Variants in TMEM117 observed in about 807,000 individuals in gnomAD.
TMEM117 encodes transmembrane protein 117.
A neutral mutation model predicts 52.4 loss-of-function variants in TMEM117; 27 were observed. That is an observed-to-expected ratio of 0.51 (90% CI 0.38 to 0.71). The LOEUF is 0.71. Ranked by LOEUF, TMEM117 falls within the 30% of genes least tolerant of loss-of-function variation. The probability of loss-of-function intolerance (pLI) is 0.00; values close to 1 mark genes in which losing one functional copy is unlikely to be tolerated. For synonymous variants in TMEM117, 215 were observed against 206.3 expected (o/e 1.04, Z -0.36); for missense variants, 556 against 630.5 (o/e 0.88, Z 1.26).
intron 6 of TMEM117, among the ~76,000 whole-genome samples, chr12:44,352,493 T>A (rs1032413784): frequency 3.9e-5 from 6 of 152,062 alleles, no homozygotes; most frequent in Non-Finnish European, 7.4e-5. Flanking sequence ...CCCCTTCCTG[T>A]GTCCATGTGT....
upstream of TMEM117, among the ~76,000 whole-genome samples, chr12:43,832,412 A>T (rs1224981860): frequency 6.6e-6 from 1 of 152,248 alleles, no homozygotes; most frequent in African/African-American, 2.4e-5. Context: ...AGACTGAAGA[A>T]TAGGAAGAAC....
intron 6 of TMEM117, among the ~76,000 whole-genome samples, chr12:44,352,474 T>C (rs1336773437): frequency 6.6e-6 from 1 of 151,676 alleles, no homozygotes; most frequent in Non-Finnish European, 1.5e-5. Context: ...GTCCCCGGAG[T>C]GTGATGTTCC....
chr12:44,353,906 A>G (rs1951604493), intron 6 of TMEM117, among the ~76,000 whole-genome samples: 1 of 152,064 alleles, frequency 6.6e-6, no homozygotes, highest in South Asian at 2.1e-4. Flanking sequence ...CATTTTCACG[A>G]TATTGATTCT....
chr12:44,327,183 AT>A (rs1454824496), intron 6 of TMEM117, among the ~76,000 whole-genome samples: 1 of 152,220 alleles, frequency 6.6e-6, no homozygotes, highest in African/African-American at 2.4e-5. Context: ...TGAAAATTCA[AT>A]AGGAAAGATT....
chr12:44,095,378 T>C (rs890905027), intron 3 of TMEM117, among the ~76,000 whole-genome samples: 2 of 152,100 alleles, frequency 1.3e-5, no homozygotes, highest in African/African-American at 4.8e-5. Flanking sequence ...ACGAGTAGGA[T>C]TGGGAAGCCA....
intron 3 of TMEM117, among the ~76,000 whole-genome samples, chr12:44,006,681 T>C (rs1171469986): frequency 6.6e-6 from 1 of 152,182 alleles, no homozygotes; most frequent in Non-Finnish European, 1.5e-5. Context: ...GCGGGGAAAC[T>C]TTGAATAACC....
At chr12:44,139,994 A>G (rs1948548590) in intron 3 of TMEM117, among the ~76,000 whole-genome samples, 1 of 152,166 alleles carries the variant, frequency 6.6e-6, no homozygotes, top group African/African-American at 2.4e-5. Context: ...ATTCTTCTTC[A>G]TATTTATCCA....
At chr12:44,130,324 A>G (rs907552691) in intron 3 of TMEM117, among the ~76,000 whole-genome samples, 29 of 152,306 alleles carry the variant, frequency 1.9e-4, no homozygotes, top group African/African-American at 6.3e-4. Context: ...GAGTATTGTC[A>G]GGATCCCAGA....
chr12:44,007,898 G>A (rs1946225932), intron 3 of TMEM117, among the ~76,000 whole-genome samples: 1 of 152,030 alleles, frequency 6.6e-6, no homozygotes, highest in East Asian at 1.9e-4. Flanking sequence ...CCCCAGCCAC[G>A]TGGAACTGTA....
chr12:43,851,105 C>G (rs1167637493), intron 2 of TMEM117, among the ~76,000 whole-genome samples: 2 of 152,120 alleles, frequency 1.3e-5, no homozygotes, highest in East Asian at 3.8e-4. Flanking sequence ...ACTTGTAAGT[C>G]TTCCTTCATT....
intron 6 of TMEM117, among the ~76,000 whole-genome samples, chr12:44,303,291 C>T (rs1040208594): frequency 5.3e-5 from 8 of 152,124 alleles, no homozygotes; most frequent in African/African-American, 7.2e-5. Flanking sequence ...TCAGGTGATC[C>T]GCCCACCTCG....
chr12:44,317,433 G>T (rs1277045168), intron 6 of TMEM117, among the ~76,000 whole-genome samples: 1 of 151,598 alleles, frequency 6.6e-6, no homozygotes, highest in African/African-American at 2.4e-5. Flanking sequence ...CACACTTGTT[G>T]CCCAGGCTGG....
At chr12:43,947,360 T>C (rs980808669) in intron 3 of TMEM117, among the ~76,000 whole-genome samples, 1 of 151,996 alleles carries the variant, frequency 6.6e-6, no homozygotes, top group African/African-American at 2.4e-5. Flanking sequence ...AAAATAAAAA[T>C]TAAATCACCA....
chr12:44,393,848 C>G (rs565882045), downstream of TMEM117, among the ~76,000 whole-genome samples: 2 of 152,118 alleles, frequency 1.3e-5, no homozygotes, highest in African/African-American at 4.8e-5. Context: ...TTCATTGCCC[C>G]GTGTTTTGAT....
intron 2 of TMEM117, among the ~76,000 whole-genome samples, chr12:43,923,847 T>A (rs1296783168): frequency 6.6e-6 from 1 of 152,102 alleles, no homozygotes; most frequent in Non-Finnish European, 1.5e-5. Context: ...TGTCCTTATA[T>A]GTAGAAAAAT....
intron 3 of TMEM117, among the ~76,000 whole-genome samples, chr12:44,015,546 A>T (rs1946361605): frequency 6.6e-6 from 1 of 152,148 alleles, no homozygotes; most frequent in Non-Finnish European, 1.5e-5. Context: ...GGCACTGTGG[A>T]TAAGCATTTG....
At chr12:44,168,252 CAA>C (rs111854378) in intron 4 of TMEM117, among the ~76,000 whole-genome samples, 44 of 133,984 alleles carry the variant, frequency 3.3e-4, no homozygotes, top group African/African-American at 7.9e-4. Flanking sequence ...GACCCCATCT[CAA>C]AAAAAAAAAA....
intron 4 of TMEM117, among the ~76,000 whole-genome samples, chr12:44,146,917 A>G (rs1358922694): frequency 6.6e-6 from 1 of 152,146 alleles, no homozygotes; most frequent in Admixed American, 6.5e-5. Context: ...AAGGCATATC[A>G]ATATTAATGT....
rs1950887013 is a variant in TMEM117 at position 44,305,000 on chromosome 12, A to G, written c.768+5261A>G. Among the ~76,000 whole-genome samples the G allele has an allele frequency of 3.3e-5, 5 of 152,308 alleles. No homozygotes were observed. In the South Asian group the frequency reaches 1.0e-3, roughly 32 times the overall value. On this transcript the variant is annotated intron_variant, in intron 6 of 7. Transcript: ENST00000266534. ...GCTCAGCCGCAGTGGGGTAGAGCAC[A>G]GAGTTGGCTCCTGAGGTTCCTGACT... is the stretch of plus-strand genomic sequence containing the variant.
Sources: gnomAD v4.1 joint callset for allele counts (sites outside exome capture counted in the v4.1 genomes callset) on GRCh38, gnomAD v4.1.1 for gene constraint, MANE v1.5 for transcripts, NCBI Gene and HGNC (gene_info 2026-07-23, HGNC 2026-07-21) for gene names.